The following CDH2 variants were observed in gnomAD, a reference collection of about 807,000 sequenced individuals.
CDH2 encodes cadherin 2.
A neutral mutation model predicts 92.0 loss-of-function variants in CDH2; 17 were observed. The observed-to-expected ratio is 0.18, with a 90% CI of 0.13 to 0.28. The LOEUF (loss-of-function observed/expected upper bound fraction) is 0.28. Among genes scored for constraint, CDH2 ranks in the 10% least tolerant of loss-of-function variants. CDH2 has a pLI of 1.00. For synonymous variants in CDH2, 419 were observed against 415.9 expected, an observed-to-expected ratio of 1.01 and a Z score of -0.09; for missense variants, 862 against 1,133.1, an observed-to-expected ratio of 0.76 and a Z score of 3.44.
chr18:28,130,661 C>A (rs764482070), intron 2 of CDH2, among the ~76,000 whole-genome samples: 2 of 152,204 alleles, frequency 1.3e-5, no homozygotes, highest in Admixed American at 1.3e-4. Flanking sequence ...CAGGCCTCTT[C>A]CAGGGAGCCC....
At chr18:28,010,379 T>C (rs2013061139) in intron 4 of CDH2, among the ~76,000 whole-genome samples, 1 of 152,216 alleles carries the variant, frequency 6.6e-6, no homozygotes. Flanking sequence ...CACTGTTCAT[T>C]GCGCACCAAA....
At chr18:28,067,370 C>A (rs17463233) in intron 2 of CDH2, among the ~76,000 whole-genome samples, 25,125 of 152,082 alleles carry the variant, frequency 0.17, 2,400 homozygotes, top group East Asian at 0.3. Flanking sequence ...TCCCATTCCA[C>A]TCACCCCTCT....
intron 6 of CDH2, among the ~76,000 whole-genome samples, chr18:27,939,606 A>G (rs1217089911): frequency 6.6e-6 from 1 of 151,896 alleles, no homozygotes; most frequent in African/African-American, 2.4e-5. Flanking sequence ...CCTTGAGCTC[A>G]CCTCTTTTCA....
chr18:28,175,762 T>C (rs1375731297), intron 1 of CDH2, among the ~76,000 whole-genome samples: 2 of 152,156 alleles, frequency 1.3e-5, no homozygotes, highest in African/African-American at 4.8e-5. Flanking sequence ...CAGCTGGCAG[T>C]AGAGCACCTC....
rs2012467198 is a variant in CDH2, at chr18:27,992,883, A to G, written c.1159-43T>C. On this transcript the variant is annotated intron_variant, in intron 8 of 15. Coordinates refer to ENST00000269141, the MANE Select transcript of CDH2 (RefSeq NM_001792.5). ...CTCAGTCAGAGGAGGGGCATGGACC[A>G]CTGAAGGACAACTTGTCTTGATGAC... is the stretch of plus-strand genomic sequence containing the variant. 3.4e-6 allele frequency: 5 copies of G among 1,474,444 alleles called. No homozygotes were observed. The East Asian group carries it at 1.1e-4, about 34-fold the overall frequency. 91.3% of individuals were successfully genotyped at this position (1,474,444 alleles called of 1,614,324 possible). A position where few individuals can be genotyped will look rare whatever the true frequency, so the allele number is the denominator to read the frequency against.
rs2012306475 is a variant in CDH2 at position 27,988,528 on chromosome 18, G to A, written c.1737C>T (p.Asp579=). 1.2e-6 allele frequency: 2 copies of A among 1,612,352 alleles called. No individual in the cohort carries two copies. Among genetic ancestry groups the A allele is most frequent in the Non-Finnish European group, 1.7e-6 (2 of 1,178,920 alleles). Residue 579 remains aspartate (D), a synonymous_variant, in exon 11 of 16, where the codon GAC becomes GAT. Transcript: ENST00000269141. ...NIYNATFLAS[D]NGIPPMSGTG... is the part of the protein sequence containing the mutation. Reference sequence around the variant, plus strand: ...AAGAAAAAACAGCGAACATACCATTGTCAGAAGCAAGGAAAGTAGCATTAT... The same window carrying A: ...AAGAAAAAACAGCGAACATACCATTATCAGAAGCAAGGAAAGTAGCATTAT...
intron 11 of CDH2, among the ~76,000 whole-genome samples, chr18:27,985,974 T>C (rs2143955183): frequency 6.6e-6 from 1 of 152,246 alleles, no homozygotes; most frequent in South Asian, 2.1e-4. Flanking sequence ...ACTGCTGCTC[T>C]GCAGGAGCTG....
intron 2 of CDH2, among the ~76,000 whole-genome samples, chr18:28,108,423 C>G (rs924916532): frequency 6.6e-6 from 1 of 152,098 alleles, no homozygotes; most frequent in Non-Finnish European, 1.5e-5. Flanking sequence ...AGGAAAAGAT[C>G]CATTTGTTGA....
chr18:28,069,469 C>T (rs1357350238), intron 2 of CDH2, among the ~76,000 whole-genome samples: 3 of 152,012 alleles, frequency 2.0e-5, no homozygotes, highest in Admixed American at 6.6e-5. Flanking sequence ...TGTTTCATTC[C>T]AACTTTCAAG....
chr18:27,953,845 G>A (rs1011116860), intron 15 of CDH2, among the ~76,000 whole-genome samples: 23 of 152,290 alleles, frequency 1.5e-4, no homozygotes, highest in African/African-American at 4.8e-4. Flanking sequence ...CACATGTAGA[G>A]CTCAATGAAT....
downstream of CDH2, among the ~76,000 whole-genome samples, chr18:27,946,520 AT>A (rs1252890364): frequency 6.6e-6 from 1 of 152,026 alleles, no homozygotes; most frequent in East Asian, 1.9e-4. Context: ...AATTATACCT[AT>A]TCCTACTGAA....
chr18:28,013,501 ATATT>A (rs2144037383), intron 3 of CDH2, among the ~76,000 whole-genome samples, 178 bp downstream of exon 3: 1 of 152,368 alleles, frequency 6.6e-6, no homozygotes, highest in South Asian at 2.1e-4. Context: ...TGCTTAAAAT[ATATT>A]TAGTCTACGT....
intron 7 of CDH2, among the ~76,000 whole-genome samples, chr18:27,996,052 T>C (rs2012571074): frequency 1.3e-5 from 2 of 152,112 alleles, no homozygotes; most frequent in Admixed American, 6.6e-5. Flanking sequence ...GGGATTCTGC[T>C]TGAAAACTTC....
In CDH2 at chr18:28,177,085, G is replaced by T; in HGVS notation, c.-63C>A. On this transcript the variant is annotated 5_prime_UTR_variant, in exon 1 of 16. Coordinates refer to ENST00000269141, the MANE Select transcript of CDH2 (RefSeq NM_001792.5). ...CGGCGGCGGCGGCGGCGGCGGCGGA[G>T]GAGGAGGAGGCAGCGGCAGCACCAA... 7.8e-7 allele frequency: 1 copy of T among 1,281,406 alleles called. No homozygotes were observed. Among genetic ancestry groups the T allele is most frequent in the Non-Finnish European group, 1.1e-6 (1 of 941,454 alleles). The allele number at this position is 1,281,406 out of a possible 1,614,324, so 79.4% of individuals were successfully genotyped here.
At chr18:28,165,812 G>T (rs754171868) in intron 1 of CDH2, among the ~76,000 whole-genome samples, 14 of 150,412 alleles carry the variant, frequency 9.3e-5, no homozygotes, top group Non-Finnish European at 1.9e-4. Context: ...TAAGAGAAAA[G>T]AAAGAAAAAG....
chr18:28,159,080 TAA>T (rs1246695168), intron 1 of CDH2: 2 of 152,190 alleles, frequency 1.3e-5, no homozygotes, highest in Admixed American at 1.3e-4. Flanking sequence ...TTTAAGCATG[TAA>T]AAGAGTCCTG....
At chr18:28,085,669 A>G (rs1458427178) in intron 2 of CDH2, among the ~76,000 whole-genome samples, 1 of 152,122 alleles carries the variant, frequency 6.6e-6, no homozygotes, top group Non-Finnish European at 1.5e-5. Context: ...TCATGTCCAT[A>G]AGCATCTCAA....
intron 14 of CDH2, among the ~76,000 whole-genome samples, chr18:27,971,655 T>C (rs2011663336): frequency 6.6e-6 from 1 of 152,182 alleles, no homozygotes; most frequent in Non-Finnish European, 1.5e-5. Flanking sequence ...AAAAAGGGAA[T>C]GACAATGTGC....
chr18:27,947,073 G>GA (rs368795621), downstream of CDH2, among the ~76,000 whole-genome samples: 68 of 145,728 alleles, frequency 4.7e-4, no homozygotes, highest in African/African-American at 9.5e-4. Context: ...TAATGGTACA[G>GA]AAAAAAAAAA....
Sources: gnomAD v4.1 joint callset for allele counts (sites outside exome capture counted in the v4.1 genomes callset) on GRCh38, gnomAD v4.1.1 for gene constraint, MANE v1.5 for transcripts, NCBI Gene and HGNC (gene_info 2026-07-23, HGNC 2026-07-21) for gene names.